C9orf85: variants seen among roughly 807,000 people sequenced by gnomAD.
The protein encoded by C9orf85 is chromosome 9 open reading frame 85.
C9orf85 carries 16 observed loss-of-function variants against 14.9 expected under a neutral mutation model. The ratio of observed to expected loss-of-function variants is 1.08; its 90% CI spans 0.73 to 1.63. The LOEUF (loss-of-function observed/expected upper bound fraction) is 1.63. Ranked by LOEUF, C9orf85 falls within the 40% of genes most tolerant of loss-of-function variation. The pLI, the probability that C9orf85 is intolerant of heterozygous loss-of-function variation, is 0.00. For synonymous variants in C9orf85, 45 were observed against 56.8 expected (o/e 0.79, Z 0.93); for missense variants, 172 against 186.1 (o/e 0.92, Z 0.44).
intron 1 of C9orf85, among the ~76,000 whole-genome samples, chr9:71,929,208 T>C (rs1383570985): frequency 1.3e-5 from 2 of 152,214 alleles, no homozygotes; most frequent in Non-Finnish European, 2.9e-5. Context: ...CCAATTATTA[T>C]GTTTGTAAGA....
intron 1 of C9orf85, among the ~76,000 whole-genome samples, chr9:71,929,533 T>A (rs1378049171): frequency 6.6e-6 from 1 of 152,138 alleles, no homozygotes; most frequent in African/African-American, 2.4e-5. Flanking sequence ...GTTGAAAATC[T>A]GGGAACAGCA....
chr9:71,928,101 C>T (rs1016089222), intron 1 of C9orf85, among the ~76,000 whole-genome samples: 6 of 147,896 alleles, frequency 4.1e-5, no homozygotes, highest in African/African-American at 1.0e-4. Context: ...GCAGGACACT[C>T]GCTTGAACCC....
In C9orf85 at chr9:71,967,465, A is replaced by G. The variant is rs1589271489; in HGVS notation, c.210-4040A>G. 2.0e-5 allele frequency among the ~76,000 whole-genome samples: 3 copies of G among 152,010 alleles called. No individual in the cohort carries two copies. The South Asian group carries it at 6.2e-4, about 32-fold the overall frequency. On this transcript the variant is annotated intron_variant, in intron 2 of 3. Transcript: ENST00000334731. ...TGAGAATTCTCCAACCTCATTTTTC[A>G]TTTTCATAACTCTTTTGGCTGTTGT...
intron 3 of C9orf85, among the ~76,000 whole-genome samples, chr9:71,979,036 G>A (rs535443316): frequency 9.7e-5 from 14 of 144,420 alleles, no homozygotes; most frequent in African/African-American, 3.2e-4. Context: ...TCCGTCTCAA[G>A]AAAAAAAAAT....
intron 1 of C9orf85, among the ~76,000 whole-genome samples, chr9:71,940,228 T>TA (rs560109040): frequency 1.3e-4 from 20 of 148,152 alleles, no homozygotes; most frequent in Non-Finnish European, 1.8e-4. Flanking sequence ...ATGAACAATT[T>TA]AAAAAAAAAA....
Position 71,921,958 on chromosome 9 carries a change from T to TTATTATTA in C9orf85, c.102+10123_102+10124insATTATTAT, listed in dbSNP as rs1564082784. Among the ~76,000 whole-genome samples, 58 of 93,596 alleles carry TTATTATTA rather than the reference T, an allele frequency of 6.2e-4. 1 individual carries two copies. Among genetic ancestry groups the TTATTATTA allele is most frequent in the African/African-American group, 2.4e-3 (55 of 22,796 alleles). 61.4% of individuals were successfully genotyped at this position (93,596 alleles called of 152,430 possible). A position where few individuals can be genotyped will look rare whatever the true frequency, so the allele number is the denominator to read the frequency against. Reference sequence around the variant, plus strand: ...TATTATTATTATTATTATTATTATTTTGAAACAGAGTCTTGCTCTGTCGCC... The same window carrying TTATTATTA: ...TATTATTATTATTATTATTATTATTTTATTATTATGAAACAGAGTCTTGCTCTGTCGCC... On this transcript the variant is annotated intron_variant, in intron 1 of 3. Transcript: ENST00000334731.
At chr9:71,969,046 C>T (rs1822783545) in intron 2 of C9orf85, among the ~76,000 whole-genome samples, 1 of 152,214 alleles carries the variant, frequency 6.6e-6, no homozygotes, top group African/African-American at 2.4e-5. Flanking sequence ...CTGATTAGAA[C>T]TGGCGGGAAG....
intron 1 of C9orf85, among the ~76,000 whole-genome samples, chr9:71,943,812 A>G (rs973777968): frequency 1.3e-5 from 2 of 149,948 alleles, no homozygotes; most frequent in Non-Finnish European, 3.0e-5. Context: ...AAGTGCTGGG[A>G]TTACAGGTGT....
intron 1 of C9orf85, among the ~76,000 whole-genome samples, chr9:71,926,760 G>A (rs550941571): frequency 6.3e-4 from 96 of 152,152 alleles, no homozygotes; most frequent in African/African-American, 2.3e-3. Flanking sequence ...AGTGATTTGG[G>A]AGATCAAGCC....
Position 71,953,798 on chromosome 9 carries a change from A to T in C9orf85, c.209+6686A>T, listed in dbSNP as rs1406415382. On this transcript the variant is annotated intron_variant, in intron 2 of 3. Transcript: ENST00000334731. Reference sequence around the variant, plus strand: ...TCAGAGTTGACTAAACCAGTGGTTTAAAAAAAAGTGGGGGAGGGAGGCAGG... The same window carrying T: ...TCAGAGTTGACTAAACCAGTGGTTTTAAAAAAAGTGGGGGAGGGAGGCAGG... Among the ~76,000 whole-genome samples the T allele has an allele frequency of 2.6e-5, 4 of 151,952 alleles. No individual in the cohort carries two copies. The East Asian group carries it at 7.7e-4, about 29-fold the overall frequency.
At chr9:71,922,259 A>G (rs1243056526) in intron 1 of C9orf85, among the ~76,000 whole-genome samples, 2 of 152,110 alleles carry the variant, frequency 1.3e-5, no homozygotes, top group Non-Finnish European at 2.9e-5. Context: ...TTAATGTCCT[A>G]GATTCCCAGA....
chr9:71,976,163 C>T (rs1482130778), downstream of C9orf85, among the ~76,000 whole-genome samples: 1 of 152,168 alleles, frequency 6.6e-6, no homozygotes, highest in African/African-American at 2.4e-5. Context: ...AGTCCAAAAG[C>T]TGTTTGTATC....
At chr9:71,955,717 G>T (rs1822365405) in intron 2 of C9orf85, among the ~76,000 whole-genome samples, 1 of 152,240 alleles carries the variant, frequency 6.6e-6, no homozygotes, top group East Asian at 1.9e-4. Context: ...GCAGCTTTAG[G>T]CCAAATTTAA....
downstream of C9orf85, among the ~76,000 whole-genome samples, chr9:71,978,414 T>C (rs998671222): frequency 2.6e-5 from 4 of 152,156 alleles, no homozygotes; most frequent in African/African-American, 9.7e-5. Flanking sequence ...CCGGTCACTT[T>C]TTTTCATTTT....
chr9:71,965,389 G>A (rs1226525288), intron 2 of C9orf85, among the ~76,000 whole-genome samples: 1 of 147,120 alleles, frequency 6.8e-6, no homozygotes, highest in South Asian at 2.2e-4. Context: ...CTAGGCTTAG[G>A]GATTCTTAGT....
chr9:71,961,377 T>A (rs1032637062), intron 2 of C9orf85, among the ~76,000 whole-genome samples: 3 of 151,808 alleles, frequency 2.0e-5, no homozygotes, highest in Non-Finnish European at 2.9e-5. Context: ...CTGGCCAACA[T>A]AAGTGAAACC....
chr9:71,969,443 C>G (rs942496020), intron 2 of C9orf85, among the ~76,000 whole-genome samples: 4 of 152,090 alleles, frequency 2.6e-5, no homozygotes, highest in African/African-American at 7.2e-5. Flanking sequence ...CACCCAGCCT[C>G]TTATTATTCT....
rs187901152 is a variant in C9orf85 at position 71,933,895 on chromosome 9, A to T, written c.103-13111A>T. Among the ~76,000 whole-genome samples, 6 of 152,238 alleles carry T rather than the reference A, an allele frequency of 3.9e-5. No individual in the cohort carries two copies. The East Asian group carries it at 9.7e-4, about 24-fold the overall frequency. Reference sequence around the variant, plus strand: ...TTTTCTGATCCCGAATTTTTAGACAAAGTTTCACCTCCTTAACCAATCACC... The same window carrying T: ...TTTTCTGATCCCGAATTTTTAGACATAGTTTCACCTCCTTAACCAATCACC... On this transcript the variant is annotated intron_variant, in intron 1 of 3. Coordinates refer to ENST00000334731, the MANE Select transcript of C9orf85 (RefSeq NM_182505.5).
intron 1 of C9orf85, among the ~76,000 whole-genome samples, chr9:71,921,980 C>CT (rs373048281): frequency 4.5e-4 from 1 of 2,226 alleles, no homozygotes; most frequent in South Asian, 0.033. Context: ...CTTGCTCTGT[C>CT]GCCAGGCTAG....
Sources: gnomAD v4.1 joint callset for allele counts (sites outside exome capture counted in the v4.1 genomes callset) on GRCh38, gnomAD v4.1.1 for gene constraint, MANE v1.5 for transcripts, NCBI Gene and HGNC (gene_info 2026-07-23, HGNC 2026-07-21) for gene names.